The following PDE4D variants were observed in gnomAD, a reference collection of about 807,000 sequenced individuals.
PDE4D encodes the protein phosphodiesterase 4D, also known as 3',5'-cyclic-AMP phosphodiesterase 4D.
A neutral mutation model predicts 87.4 loss-of-function variants in PDE4D; 24 were observed. The observed-to-expected ratio is 0.27, with a 90% confidence interval of 0.20 to 0.39. The LOEUF is 0.39. Ranked by LOEUF, PDE4D falls within the 10% of genes least tolerant of loss-of-function variation. The probability of loss-of-function intolerance (pLI) is 1.00; values close to 1 mark genes in which losing one functional copy is unlikely to be tolerated. For missense variants in PDE4D, 714 were observed against 1,041.0 expected, an observed-to-expected ratio of 0.69 and a Z score of 4.32; for synonymous variants, 384 against 383.2, an observed-to-expected ratio of 1.00 and a Z score of -0.02.
At chr5:59,908,948 T>C (rs1753143863) in intron 3 of PDE4D, among the ~76,000 whole-genome samples, 1 of 152,248 alleles carries the variant, frequency 6.6e-6, no homozygotes, top group African/African-American at 2.4e-5. Context: ...TCATTTGATC[T>C]TATATTTTCA....
chr5:60,416,770 A>G (rs1742625760), intron 1 of PDE4D, among the ~76,000 whole-genome samples: 1 of 152,118 alleles, frequency 6.6e-6, no homozygotes, highest in Non-Finnish European at 1.5e-5. Context: ...AATATCCAAG[A>G]CTCTGGGGCT....
Position 60,176,887 on chromosome 5 carries a change from G to A in PDE4D, c.42+8670C>T, listed in dbSNP as rs16877705. Among the ~76,000 whole-genome samples the A allele has an allele frequency of 7.8e-3, 1,182 of 152,150 alleles. 14 individuals are homozygous for A. The highest frequency in any genetic ancestry group is 0.027 in the African/African-American group (1,121 of 41,514). Reference sequence around the variant, plus strand: ...TGTTTACTTGAACTTGGAATAAGGCGTTTCTCCTGGCTTTCCTGGAGTAAA... The same window carrying A: ...TGTTTACTTGAACTTGGAATAAGGCATTTCTCCTGGCTTTCCTGGAGTAAA... On this transcript the variant is annotated intron_variant, in intron 2 of 16. Transcript: ENST00000502484.
At chr5:60,485,612 G>A (rs1735951163) in intron 1 of PDE4D, among the ~76,000 whole-genome samples, 1 of 152,150 alleles carries the variant, frequency 6.6e-6, no homozygotes, top group Non-Finnish European at 1.5e-5. Context: ...TAGTTTTACA[G>A]AACCTTATCT....
At chr5:60,081,166 T>C (rs760823119) in intron 2 of PDE4D, among the ~76,000 whole-genome samples, 8 of 151,960 alleles carry the variant, frequency 5.3e-5, no homozygotes, top group African/African-American at 1.2e-4. Context: ...TGTATTTGCA[T>C]AGAAGTGTTT....
At chr5:59,516,395 G>C (rs1582942468) in intron 1 of PDE4D, among the ~76,000 whole-genome samples, 1 of 152,028 alleles carries the variant, frequency 6.6e-6, no homozygotes, top group African/African-American at 2.4e-5. Flanking sequence ...AATTCTGGAG[G>C]GATATGATTT....
intron 3 of PDE4D, among the ~76,000 whole-genome samples, chr5:59,936,395 T>A (rs1354355967): frequency 6.6e-6 from 1 of 152,164 alleles, no homozygotes; most frequent in Non-Finnish European, 1.5e-5. Flanking sequence ...TTCAGTCCCA[T>A]TCTAGACTCC....
chr5:60,334,745 T>C (rs767120529), intron 1 of PDE4D, among the ~76,000 whole-genome samples: 19 of 152,002 alleles, frequency 1.2e-4, no homozygotes, highest in Non-Finnish European at 2.6e-4. Context: ...AGTTTTCTTG[T>C]AAACTTGTGT....
At chr5:59,110,647 G>A (rs1772455818) in intron 5 of PDE4D, among the ~76,000 whole-genome samples, 1 of 152,160 alleles carries the variant, frequency 6.6e-6, no homozygotes, top group African/African-American at 2.4e-5. Flanking sequence ...TGAAGCAGGT[G>A]GATCACTTGA....
intron 3 of PDE4D, among the ~76,000 whole-genome samples, chr5:59,975,346 T>G (rs1761212093): frequency 6.6e-6 from 1 of 152,236 alleles, no homozygotes; most frequent in Non-Finnish European, 1.5e-5. Flanking sequence ...TGAACATACC[T>G]TAAATTACCT....
At chr5:59,265,953 A>T (rs1392022957) in intron 1 of PDE4D, among the ~76,000 whole-genome samples, 1 of 152,110 alleles carries the variant, frequency 6.6e-6, no homozygotes, top group African/African-American at 2.4e-5. Context: ...CAAGATGCGA[A>T]TTACAGCTAC....
intron 1 of PDE4D, among the ~76,000 whole-genome samples, chr5:59,394,408 T>C (rs943878227): frequency 3.3e-5 from 5 of 152,200 alleles, no homozygotes; most frequent in African/African-American, 1.2e-4. Flanking sequence ...GAAGGGAGGT[T>C]TCTGGGCCAA....
chr5:59,124,051 T>C (rs1580923403), intron 5 of PDE4D, among the ~76,000 whole-genome samples: 1 of 152,350 alleles, frequency 6.6e-6, no homozygotes, highest in Admixed American at 6.5e-5. Flanking sequence ...GGAAAAGGTA[T>C]AACCTTTGGA....
chr5:59,900,014 C>T (rs190494042), intron 3 of PDE4D, among the ~76,000 whole-genome samples: 44 of 152,052 alleles, frequency 2.9e-4, no homozygotes, highest in East Asian at 9.7e-4. Flanking sequence ...CCAAGGTGGG[C>T]GGATCACTTG....
chr5:60,452,460 G>A (rs1296291618), intron 1 of PDE4D, among the ~76,000 whole-genome samples: 1 of 152,020 alleles, frequency 6.6e-6, no homozygotes, highest in Non-Finnish European at 1.5e-5. Context: ...ACTCTCAGAA[G>A]ACAATGTATG....
At chr5:59,975,717 G>T (rs1761253129) in intron 3 of PDE4D, among the ~76,000 whole-genome samples, 1 of 152,192 alleles carries the variant, frequency 6.6e-6, no homozygotes, top group South Asian at 2.1e-4. Flanking sequence ...AAAGTTAATG[G>T]TAAGTTTTAT....
intron 1 of PDE4D, among the ~76,000 whole-genome samples, chr5:59,860,841 CTT>C (rs964396366): frequency 6.8e-6 from 1 of 147,004 alleles, no homozygotes. Context: ...GTTGTTCGAA[CTT>C]TTTTTTTTTA....
At chr5:59,580,635 C>T (rs1823945340) in intron 1 of PDE4D, among the ~76,000 whole-genome samples, 1 of 151,862 alleles carries the variant, frequency 6.6e-6, no homozygotes, top group South Asian at 2.1e-4. Context: ...GCCCAGCTAC[C>T]TTTAAAAAAA....
At chr5:60,332,041 G>A (rs1036420346) in intron 1 of PDE4D, among the ~76,000 whole-genome samples, 2 of 152,078 alleles carry the variant, frequency 1.3e-5, no homozygotes, top group African/African-American at 2.4e-5. Flanking sequence ...TACCTAAACC[G>A]TATTCACTGT....
At chr5:59,172,985 A>G (rs1783256197) in intron 5 of PDE4D, 1 of 152,186 alleles carries the variant, frequency 6.6e-6, no homozygotes, top group African/African-American at 2.4e-5. Context: ...GCACTGAATT[A>G]GAATTTACTG....
Sources: gnomAD v4.1 joint callset for allele counts (sites outside exome capture counted in the v4.1 genomes callset) on GRCh38, gnomAD v4.1.1 for gene constraint, MANE v1.5 for transcripts, NCBI Gene and HGNC (gene_info 2026-07-23, HGNC 2026-07-21) for gene names.